The following ARHGEF17 variants were observed in gnomAD, a reference collection of about 807,000 sequenced individuals.
ARHGEF17 encodes Rho guanine nucleotide exchange factor 17.
In ARHGEF17, 80 loss-of-function variants were observed where a neutral mutation model predicts 174.0. The observed-to-expected ratio is 0.46, with a 90% CI of 0.38 to 0.55. The LOEUF (loss-of-function observed/expected upper bound fraction) is 0.55. Ranked by LOEUF, ARHGEF17 falls within the 20% of genes least tolerant of loss-of-function variation. ARHGEF17 has a pLI of 0.00. For missense variants in ARHGEF17, 2,886 were observed against 2,839.7 expected, an observed-to-expected ratio of 1.02 and a Z score of -0.37; for synonymous variants, 1,311 against 1,189.1, an observed-to-expected ratio of 1.10 and a Z score of -2.11.
chr11:73,353,675 T>C (rs1865592281), intron 3 of ARHGEF17, among the ~76,000 whole-genome samples: 1 of 151,984 alleles, frequency 6.6e-6, no homozygotes, highest in Non-Finnish European at 1.5e-5. Flanking sequence ...GTGCCCCGGC[T>C]TCCCCTACCC....
At chr11:73,344,428 G>A (rs903264921) in intron 1 of ARHGEF17, among the ~76,000 whole-genome samples, 9 of 152,212 alleles carry the variant, frequency 5.9e-5, no homozygotes, top group Admixed American at 3.3e-4. Flanking sequence ...CAGCCTCCCC[G>A]TGTCACCCCA....
At chr11:73,311,955 C>T in intron 1 of ARHGEF17, 125 bp downstream of exon 1, 2 of 1,053,592 alleles carry the variant, frequency 1.9e-6, no homozygotes, top group Non-Finnish European at 2.7e-6. Flanking sequence ...CTTTTCTGGT[C>T]CTGGAAGTGC....
At chr11:73,324,234 G>C (rs1373024865) in intron 1 of ARHGEF17, among the ~76,000 whole-genome samples, 2 of 138,728 alleles carry the variant, frequency 1.4e-5, no homozygotes, top group East Asian at 4.4e-4. Flanking sequence ...ATGTGGGTGG[G>C]AGCCCCCAGT....
intron 20 of ARHGEF17, among the ~76,000 whole-genome samples, chr11:73,366,279 T>C (rs1865837725): frequency 6.6e-6 from 1 of 152,234 alleles, no homozygotes; most frequent in African/African-American, 2.4e-5. Context: ...GTTGTATATA[T>C]TTCCTATATG....
At chr11:73,337,685 G>C (rs1321684093) in intron 1 of ARHGEF17, among the ~76,000 whole-genome samples, 4 of 152,128 alleles carry the variant, frequency 2.6e-5, no homozygotes, top group African/African-American at 9.7e-5. Flanking sequence ...CTCCCAAAGT[G>C]CTGGGATTAC....
chr11:73,330,821 G>A (rs533715255), intron 1 of ARHGEF17, among the ~76,000 whole-genome samples: 1 of 152,220 alleles, frequency 6.6e-6, no homozygotes, highest in Non-Finnish European at 1.5e-5. Flanking sequence ...CTTGGCCCAA[G>A]AAGATGGAGG....
Position 73,310,348 on chromosome 11 carries a change from G to C in ARHGEF17, c.1710G>C (p.Glu570Asp), listed in dbSNP as rs376978053. 74 of 1,613,718 alleles carry C rather than the reference G, an allele frequency of 4.6e-5. No homozygotes were observed. The highest frequency in any genetic ancestry group is 7.6e-6 in the Non-Finnish European group (9 of 1,180,010). ...RTSALKSSSS[E>D]LLLTGPGAEE... ...GTGCTCTGAAGTCCAGCTCCTCCGA[G>C]CTCCTGCTCACAGGCCCTGGTGCCG... Residue 570 changes from glutamate (E) to aspartate (D), a missense_variant, in exon 1 of 21, where the codon GAG (glutamate) becomes GAC (aspartate). Glu to Asp is a conservative substitution (Grantham distance 45). Coordinates refer to ENST00000263674, the MANE Select transcript of ARHGEF17 (RefSeq NM_014786.4).
rs770686925 is a variant in ARHGEF17, at chr11:73,362,229, C to T, written c.4684C>T (p.Arg1562Cys). The T allele has an allele frequency of 1.5e-5, 23 of 1,538,156 alleles. No homozygotes were observed. Among genetic ancestry groups the T allele is most frequent in the East Asian group, 7.3e-5 (3 of 40,846 alleles). ...CGGGGCGGTGCCCGGGCTGCAGCCT[C>T]GCTGCCACCGGTGAGGCCTGGGCGG... ...CIGAVPGLQP[R>C]CHREPPPSLR... The change falls in exon 13 of 21, where the codon CGC becomes TGC. Residue 1562 changes from arginine to cysteine, a missense_variant. Physicochemically the swap from Arg to Cys is radical, Grantham distance 180. Transcript: ENST00000263674.
At chr11:73,362,801 G>A (rs75912489) in intron 14 of ARHGEF17, 67 bp downstream of exon 14, 142,455 of 1,543,320 alleles carry the variant, frequency 0.092, 7,474 homozygotes, top group Non-Finnish European at 0.1. Context: ...AGGAGGGGGA[G>A]AGGAGGGACC....
In ARHGEF17 at chr11:73,309,918, T is replaced by A; in HGVS notation, c.1280T>A (p.Leu427His). 6.2e-7 allele frequency: 1 copy of A among 1,613,272 alleles called. No homozygotes were observed. The highest frequency in any genetic ancestry group is 8.5e-7 in the Non-Finnish European group (1 of 1,179,784). The stretch of plus-strand genomic sequence containing the variant: ...CCTAGCTTTGGAGCTGGGGAAGGGC[T>A]CCTGCGGTCCCAGGCTCGAACCCGT... ...RSPSFGAGEG[L>H]LRSQARTRAK... Residue 427 changes from leucine to histidine, a missense_variant, in exon 1 of 21, where the codon CTC becomes CAC. By Grantham distance (99) the Leu-to-His change is moderately conservative. Coordinates refer to ENST00000263674, the MANE Select transcript of ARHGEF17 (RefSeq NM_014786.4).
chr11:73,357,488 T>C (rs141293022), intron 9 of ARHGEF17, among the ~76,000 whole-genome samples, 161 bp downstream of exon 9: 25 of 152,322 alleles, frequency 1.6e-4, no homozygotes, highest in East Asian at 1.4e-3. Context: ...AAGGACCCAT[T>C]TGGCACCCAT....
At chr11:73,338,573 G>T (rs919662814) in intron 1 of ARHGEF17, among the ~76,000 whole-genome samples, 1 of 152,294 alleles carries the variant, frequency 6.6e-6, no homozygotes, top group African/African-American at 2.4e-5. Flanking sequence ...TTTGACTCTA[G>T]CATTGCCTGT....
At chr11:73,360,986 C>A in intron 11 of ARHGEF17, 102 bp from the exon 12 acceptor site, 1 of 958,172 alleles carries the variant, frequency 1.0e-6, no homozygotes, top group Non-Finnish European at 1.6e-6. Flanking sequence ...CTAAAGAGAC[C>A]CTGAGGGGCA....
chr11:73,344,620 G>A (rs184553515), intron 1 of ARHGEF17, among the ~76,000 whole-genome samples: 3 of 152,372 alleles, frequency 2.0e-5, no homozygotes, highest in African/African-American at 7.2e-5. Context: ...TCTCACTGAG[G>A]GGGAGAAAGG....
rs1436995947 is a variant in ARHGEF17 at position 73,329,350 on chromosome 11, TATATATATATATATATATATA to T, written c.3192+17521_3193-17512del. On this transcript the variant is annotated intron_variant, in intron 1 of 20. Transcript: ENST00000263674. ...ATATATATATATATATATATATATA[TATATATATATATATATATATA>T]TATTTTTTTTTTTTTTTTGTATTTT... is the stretch of plus-strand genomic sequence containing the variant. 6.4e-4 allele frequency among the ~76,000 whole-genome samples: 27 copies of T among 42,336 alleles called. 4 individuals carry two copies. Among genetic ancestry groups the T allele is most frequent in the South Asian group, 1.5e-3 (2 of 1,324 alleles). 27.8% of individuals were successfully genotyped at this position (42,336 alleles called of 152,430 possible).
In ARHGEF17 at chr11:73,361,073, C is replaced by T. The variant is rs1329528047; in HGVS notation, c.4421-15C>T. On this transcript the variant is annotated splice_polypyrimidine_tract_variant and intron_variant, in intron 11 of 20. Coordinates refer to ENST00000263674, the MANE Select transcript of ARHGEF17 (RefSeq NM_014786.4). ...TGCTAAGCAGGGTCCGTCTGTCTGTCCATCTCCACTACAGCATCCAGCAAA... is the reference window on the plus strand; with the variant it reads ...TGCTAAGCAGGGTCCGTCTGTCTGTTCATCTCCACTACAGCATCCAGCAAA... 6.2e-7 allele frequency: 1 copy of T among 1,610,620 alleles called. No individual in the cohort carries two copies. The highest frequency in any genetic ancestry group is 2.2e-5 in the East Asian group (1 of 44,872).
chr11:73,309,949 A>G lies in ARHGEF17; in HGVS notation c.1311A>G (p.Lys437=). 1 of 1,613,716 alleles carries G rather than the reference A, an allele frequency of 6.2e-7. No homozygotes were observed. Among genetic ancestry groups the G allele is most frequent in the South Asian group, 1.1e-5 (1 of 91,078 alleles). The change falls in exon 1 of 21, where the codon AAA becomes AAG. Residue 437 remains lysine, a synonymous_variant. Transcript: ENST00000263674. ...LLRSQARTRA[K]GPGGTSRALR... ...GGTCCCAGGCTCGAACCCGTGCCAA[A>G]GGACCTGGAGGCACCTCTAGGGCAT...
rs139741547 is a variant in ARHGEF17 at position 73,360,328 on chromosome 11, C to T, written c.4215C>T (p.Asp1405=). The T allele has an allele frequency of 3.0e-4, 492 of 1,613,644 alleles. 1 individual carries two copies. The African/African-American group carries it at 4.3e-3, about 14-fold the overall frequency. The change falls in exon 11 of 21, where the codon GAC becomes GAT. Residue 1405 remains aspartate, a synonymous_variant. Transcript: ENST00000263674. Reference sequence around the variant, plus strand: ...GGCCCTCTTCCCCACAGAGCCTGGACGATGCACTGCGGGACCTCTCAGCTG... The same window carrying T: ...GGCCCTCTTCCCCACAGAGCCTGGATGATGCACTGCGGGACCTCTCAGCTG... ...ESLGFPHQSL[D]DALRDLSAAM...
chr11:73,368,949 C>G lies in ARHGEF17; in HGVS notation c.*1169C>G, dbSNP rs1429816071. On this transcript the variant is annotated 3_prime_UTR_variant, in exon 21 of 21. Transcript: ENST00000263674. Reference sequence around the variant, plus strand: ...GGTTTCAGATGGGGTTTGTTTTGTTCTGTTTGGTTTTGGTTTTGTTTGGGG... The same window carrying G: ...GGTTTCAGATGGGGTTTGTTTTGTTGTGTTTGGTTTTGGTTTTGTTTGGGG... 1 of 152,234 alleles carries G rather than the reference C, an allele frequency of 6.6e-6. No individual in the cohort carries two copies. The highest frequency in any genetic ancestry group is 1.5e-5 in the Non-Finnish European group (1 of 68,026). The allele number at this position is 152,234 out of a possible 1,614,324, so 9.4% of individuals were successfully genotyped here.
Sources: allele counts gnomAD v4.1 joint callset (sites outside exome capture counted in the v4.1 genomes callset), GRCh38; gene constraint gnomAD v4.1.1; transcripts MANE v1.5; gene names NCBI Gene and HGNC (gene_info 2026-07-23, HGNC 2026-07-21).